The following FADS3 variants were observed in gnomAD, a reference collection of about 807,000 sequenced individuals.
FADS3 encodes fatty acid desaturase 3.
In FADS3, 30 loss-of-function variants were observed where a neutral mutation model predicts 60.4. The observed-to-expected ratio is 0.50, with a 90% CI of 0.37 to 0.67. The LOEUF (loss-of-function observed/expected upper bound fraction) is 0.67, where lower values mean the gene tolerates loss of function less well. Among genes scored for constraint, FADS3 ranks in the 30% least tolerant of loss-of-function variants. The pLI, the probability that FADS3 is intolerant of heterozygous loss-of-function variation, is 0.00. For synonymous variants in FADS3, 234 were observed against 249.3 expected (o/e 0.94, Z 0.58); for missense variants, 432 against 598.3 (o/e 0.72, Z 2.90).
chr11:61,876,404 G>T lies in FADS3; in HGVS notation c.1035C>A (p.Pro345=), dbSNP rs116708631. The T allele has an allele frequency of 6.2e-7, 1 of 1,613,372 alleles. No individual in the cohort carries two copies. Among genetic ancestry groups the T allele is most frequent in the Admixed American group, 1.7e-5 (1 of 59,994 alleles). The change falls in exon 9 of 12, where the codon CCC becomes CCA. Residue 345 remains proline (P), a synonymous_variant. Coordinates refer to ENST00000278829, the MANE Select transcript of FADS3 (RefSeq NM_021727.5). The surrounding 1 kb of genome is among the most constrained non-coding windows in gnomAD (Gnocchi z 5.7). ...GGTGCTTCTCGTGGCCGATCTCCTT[G>T]GGGATGTGGTTCATCTGTGTGATCC... is the stretch of plus-strand genomic sequence containing the variant. ...FVWITQMNHI[P]KEIGHEKHRD...
intron 1 of FADS3, among the ~76,000 whole-genome samples, chr11:61,887,685 TAGA>T (rs1452736409): frequency 6.6e-5 from 10 of 152,352 alleles, no homozygotes; most frequent in African/African-American, 2.2e-4. Flanking sequence ...TCATTCCCTG[TAGA>T]AGTTTTGCTC....
At chr11:61,881,657 T>C (rs1478370086) in intron 1 of FADS3, 1 of 151,880 alleles carries the variant, frequency 6.6e-6, no homozygotes, top group Admixed American at 6.6e-5. Context: ...AGCTGGTGAG[T>C]CTTAAAACGG....
rs947238163 is a variant in FADS3 at position 61,876,529 on chromosome 11, C to T, written c.984-74G>A. 1.6e-6 allele frequency: 2 copies of T among 1,257,610 alleles called. No homozygotes were observed. Among genetic ancestry groups the T allele is most frequent in the Non-Finnish European group, 2.3e-6 (2 of 859,910 alleles). The allele number at this position is 1,257,610 out of a possible 1,614,324, so 77.9% of individuals were successfully genotyped here. On this transcript the variant is annotated intron_variant, in intron 8 of 11. Coordinates refer to ENST00000278829, the MANE Select transcript of FADS3 (RefSeq NM_021727.5). This position sits in a 1 kb window ranked among gnomAD's most constrained non-coding sequence, Gnocchi z 5.7. Reference sequence around the variant, plus strand: ...ACCCTGAGTGGAGGCTGGAGAGCAGCTGTCCCCAAGTGGCCTTGACTTCCT... The same window carrying T: ...ACCCTGAGTGGAGGCTGGAGAGCAGTTGTCCCCAAGTGGCCTTGACTTCCT...
Position 61,877,600 on chromosome 11 carries a change from G to A in FADS3, c.809-13C>T, listed in dbSNP as rs1197041441. On this transcript the variant is annotated splice_polypyrimidine_tract_variant and intron_variant, in intron 6 of 11. Transcript: ENST00000278829. This position sits in a 1 kb window ranked among gnomAD's most constrained non-coding sequence, Gnocchi z 4.7. The stretch of plus-strand genomic sequence containing the variant: ...AGCGGCGGGCCGACTGCAAGAAGGG[G>A]CATGAGAGTGTTCAGGAGTGGGGCT... The A allele has an allele frequency of 1.2e-6, 2 of 1,612,760 alleles. No individual in the cohort carries two copies. The highest frequency in any genetic ancestry group is 2.2e-5 in the East Asian group (1 of 44,872).
At position 61,877,080 on chromosome 11, in the gene FADS3, G is replaced by T; in HGVS notation, c.886-117C>A. The T allele has an allele frequency of 1.5e-6, 1 of 685,042 alleles. No individual in the cohort carries two copies. The highest frequency in any genetic ancestry group is 2.4e-6 in the Non-Finnish European group (1 of 412,406). 42.4% of individuals were successfully genotyped at this position (685,042 alleles called of 1,614,324 possible). ...ACCCTTCTGCCTGATTTGCCTCAGA[G>T]CCCAGGACAGGCCACCACCCTCTCT... On this transcript the variant is annotated intron_variant, in intron 7 of 11. Transcript: ENST00000278829. This position sits in a 1 kb window ranked among gnomAD's most constrained non-coding sequence, Gnocchi z 4.7.
chr11:61,880,162 G>A lies in FADS3; in HGVS notation c.214-11C>T, dbSNP rs769180207. 6 of 1,610,574 alleles carry A rather than the reference G, an allele frequency of 3.7e-6. No homozygotes were observed. Among genetic ancestry groups the A allele is most frequent in the Non-Finnish European group, 5.1e-6 (6 of 1,177,084 alleles). The stretch of plus-strand genomic sequence containing the variant: ...GGCACGGAAGGCATCCTGAAGGAGA[G>A]CAGACAGTCAGGCGGACAGACAGAC... On this transcript the variant is annotated splice_polypyrimidine_tract_variant and intron_variant, in intron 1 of 11. Coordinates refer to ENST00000278829, the MANE Select transcript of FADS3 (RefSeq NM_021727.5).
At chr11:61,889,654 T>G (rs2136003390) in intron 1 of FADS3, among the ~76,000 whole-genome samples, 1 of 151,314 alleles carries the variant, frequency 6.6e-6, no homozygotes, top group Non-Finnish European at 1.5e-5. Flanking sequence ...CTCCGGCGGT[T>G]GGTGGGGAGT....
In FADS3 at chr11:61,877,874, A is replaced by G. The variant is rs1300420189; in HGVS notation, c.808+281T>C. ...AGACTCTAGGGCTCCGGACCACTCT[A>G]GTGAGGGCAAGAAGAAATTCTACGT... On this transcript the variant is annotated intron_variant, in intron 6 of 11. Transcript: ENST00000278829. The surrounding 1 kb of genome is among the most constrained non-coding windows in gnomAD (Gnocchi z 4.7). The G allele has an allele frequency of 1.7e-6, 1 of 593,110 alleles. No homozygotes were observed. Among genetic ancestry groups the G allele is most frequent in the East Asian group, 2.8e-5 (1 of 35,892 alleles). The allele number at this position is 593,110 out of a possible 1,614,324, so 36.7% of individuals were successfully genotyped here.
intron 11 of FADS3, among the ~76,000 whole-genome samples, chr11:61,874,372 G>A (rs1027063636): frequency 4.6e-5 from 7 of 152,194 alleles, no homozygotes; most frequent in South Asian, 2.1e-4. Context: ...GTGGGCATCT[G>A]AACACCAGCA....
chr11:61,877,282 A>AC lies in FADS3; in HGVS notation c.885+228dup. 3.6e-6 allele frequency: 1 copy of AC among 277,792 alleles called. No individual in the cohort carries two copies. The highest frequency in any genetic ancestry group is 3.7e-5 in the South Asian group (1 of 27,188). The allele number at this position is 277,792 out of a possible 1,614,324, so 17.2% of individuals were successfully genotyped here. A position where few individuals can be genotyped will look rare whatever the true frequency, so the allele number is the denominator to read the frequency against. ...AAGACACCCTCACCGAGAGAGACCCACACCCCCCCTGTTCCTCAACCCCCC... is the reference window on the plus strand; with the variant it reads ...AAGACACCCTCACCGAGAGAGACCCACCACCCCCCCTGTTCCTCAACCCCCC... On this transcript the variant is annotated intron_variant, in intron 7 of 11. Coordinates refer to ENST00000278829, the MANE Select transcript of FADS3 (RefSeq NM_021727.5). This position sits in a 1 kb window ranked among gnomAD's most constrained non-coding sequence, Gnocchi z 4.7.
In FADS3 at chr11:61,876,094, C is replaced by G. The variant is rs749389381; in HGVS notation, c.1160+17G>C. ...CCCCCTCCCCACCTCCCACTGGCCCCCAGCACCCACACTCACTGGTGCTCG... is the reference window on the plus strand; with the variant it reads ...CCCCCTCCCCACCTCCCACTGGCCCGCAGCACCCACACTCACTGGTGCTCG... On this transcript the variant is annotated intron_variant, in intron 10 of 11. Transcript: ENST00000278829. This position sits in a 1 kb window ranked among gnomAD's most constrained non-coding sequence, Gnocchi z 5.7. The G allele has an allele frequency of 5.0e-6, 8 of 1,609,294 alleles. No individual in the cohort carries two copies. The highest frequency in any genetic ancestry group is 6.8e-6 in the Non-Finnish European group (8 of 1,178,046).
At chr11:61,888,384 C>T (rs1319596486) in intron 1 of FADS3, among the ~76,000 whole-genome samples, 3 of 152,256 alleles carry the variant, frequency 2.0e-5, no homozygotes, top group Non-Finnish European at 4.4e-5. Flanking sequence ...CTGGGCTCAA[C>T]TACACAGGGC....
Position 61,878,235 on chromosome 11 carries a change from C to T in FADS3, c.748-20G>A, listed in dbSNP as rs1281002323. 5 of 1,613,434 alleles carry T rather than the reference C, an allele frequency of 3.1e-6. No homozygotes were observed. Among genetic ancestry groups the T allele is most frequent in the Middle Eastern group, 3.3e-4 (2 of 6,060 alleles). On this transcript the variant is annotated intron_variant, in intron 5 of 11. Coordinates refer to ENST00000278829, the MANE Select transcript of FADS3 (RefSeq NM_021727.5). Reference sequence around the variant, plus strand: ...GCCATACTGTGGAGACAGGCGGCGGCTGGAGACAGCAGCTCTCCAGGCCAC... The same window carrying T: ...GCCATACTGTGGAGACAGGCGGCGGTTGGAGACAGCAGCTCTCCAGGCCAC...
chr11:61,887,516 G>A (rs1018268398), intron 1 of FADS3, among the ~76,000 whole-genome samples: 2 of 152,124 alleles, frequency 1.3e-5, no homozygotes, highest in African/African-American at 4.8e-5. Context: ...TCCTTCCGAG[G>A]ACACAAACAT....
At position 61,876,662 on chromosome 11, in the gene FADS3, C is replaced by T. The variant is rs762081772; in HGVS notation, c.983+204G>A. The T allele has an allele frequency of 2.1e-5, 14 of 656,882 alleles. No individual in the cohort carries two copies. The highest frequency in any genetic ancestry group is 9.0e-5 in the African/African-American group (5 of 55,840). 40.7% of individuals were successfully genotyped at this position (656,882 alleles called of 1,614,324 possible). A position where few individuals can be genotyped will look rare whatever the true frequency, so the allele number is the denominator to read the frequency against. ...AGTCCAGAGCAGCTCCGACACCCAC[C>T]GGGCCACTTACAAGCCAGGCCACGC... On this transcript the variant is annotated intron_variant, in intron 8 of 11. Transcript: ENST00000278829. The surrounding 1 kb of genome is among the most constrained non-coding windows in gnomAD (Gnocchi z 5.7).
chr11:61,878,334 G>T, intron 5 of FADS3, 119 bp from the exon 6 acceptor site: 1 of 1,361,842 alleles, frequency 7.3e-7, no homozygotes, highest in East Asian at 2.3e-5. Flanking sequence ...CTAGCAAGCG[G>T]GCTGGTCGTC....
At chr11:61,878,689 C>T in intron 4 of FADS3, 55 bp from the exon 5 acceptor site, 4 of 1,612,364 alleles carry the variant, frequency 2.5e-6, no homozygotes, top group Non-Finnish European at 2.5e-6. Flanking sequence ...TGTGCCCACA[C>T]ACTTGGGCAG....
At chr11:61,884,028 AG>A (rs1938226697) in intron 1 of FADS3, among the ~76,000 whole-genome samples, 1 of 152,146 alleles carries the variant, frequency 6.6e-6, no homozygotes, top group South Asian at 2.1e-4. Flanking sequence ...GAGTGCGAGT[AG>A]GGCAGGGGCC....
At chr11:61,889,177 GT>G (rs2136002857) in intron 1 of FADS3, among the ~76,000 whole-genome samples, 1 of 152,180 alleles carries the variant, frequency 6.6e-6, no homozygotes, top group East Asian at 2.0e-4. Context: ...GATTACAGGT[GT>G]GAGCCACAGC....
Sources: allele counts gnomAD v4.1 joint callset (sites outside exome capture counted in the v4.1 genomes callset), GRCh38; gene constraint gnomAD v4.1.1; non-coding constraint Gnocchi (gnomAD v3.1); transcripts MANE v1.5; gene names NCBI Gene and HGNC (gene_info 2026-07-23, HGNC 2026-07-21).